The following SRPRB variants were observed in gnomAD, a reference collection of about 807,000 sequenced individuals.
The protein encoded by SRPRB is signal recognition particle receptor subunit beta.
Under a neutral mutation model 31.9 loss-of-function variants are expected in SRPRB, and 20 were observed. The ratio of observed to expected loss-of-function variants is 0.63; its 90% CI spans 0.44 to 0.91. The LOEUF is 0.91. SRPRB is among the 40% of genes least tolerant of loss of function. The pLI is 0.00. For missense variants in SRPRB, 321 were observed against 324.9 expected, an observed-to-expected ratio of 0.99 and a Z score of 0.09; for synonymous variants, 146 against 132.8, an observed-to-expected ratio of 1.10 and a Z score of -0.68.
At chr3:133,824,079 T>TCCA (rs1351435948), downstream of SRPRB, among the ~76,000 whole-genome samples, 1 of 152,080 alleles carries the variant, frequency 6.6e-6, no homozygotes, top group African/African-American at 2.4e-5. Context: ...ACAGCCCAAC[T>TCCA]CCACCAGTAG....
chr3:133,816,920 T>C lies in SRPRB; in HGVS notation c.590T>C (p.Leu197Pro), dbSNP rs1293949595. 1 of 1,611,130 alleles carries C rather than the reference T, an allele frequency of 6.2e-7. No homozygotes were observed. The highest frequency in any genetic ancestry group is 8.5e-7 in the Non-Finnish European group (1 of 1,178,662). ...AKSAKLIQQQLEKELNTLRVT... is the reference protein window; with the variant it reads ...AKSAKLIQQQPEKELNTLRVT... ...TCAGCAAAGTTAATTCAACAGCAGC[T>C]GGAGAAAGAACTGTAAGTGTGAAAG... The change falls in exon 6 of 7, where the codon CTG becomes CCG. Residue 197 changes from leucine to proline, a missense_variant. By Grantham distance (98) the Leu-to-Pro change is moderately conservative. Transcript: ENST00000678299.
chr3:133,819,866 T>C lies in SRPRB; in HGVS notation c.*100T>C. 1 of 1,061,180 alleles carries C rather than the reference T, an allele frequency of 9.4e-7. No individual in the cohort carries two copies. Among genetic ancestry groups the C allele is most frequent in the Non-Finnish European group, 1.4e-6 (1 of 725,970 alleles). The allele number at this position is 1,061,180 out of a possible 1,614,324, so 65.7% of individuals were successfully genotyped here. On this transcript the variant is annotated 3_prime_UTR_variant, in exon 7 of 7. Transcript: ENST00000678299. ...GATGAGGAAGGGGTACAAGATGTGG[T>C]TAGAAACATTTCTTTGTTCTGGAAA... is the stretch of plus-strand genomic sequence containing the variant.
chr3:133,804,234 G>T (rs1285267782), upstream of SRPRB, among the ~76,000 whole-genome samples: 1 of 151,976 alleles, frequency 6.6e-6, no homozygotes, highest in Non-Finnish European at 1.5e-5. Context: ...GGGATTAATA[G>T]CTGTGAGTCA....
chr3:133,801,559 A>G (rs1935062945), upstream of SRPRB, among the ~76,000 whole-genome samples: 1 of 152,136 alleles, frequency 6.6e-6, no homozygotes. Context: ...CTTCATTCAC[A>G]TAGCTCTGAC....
At chr3:133,808,996 G>C (rs1935212697) in intron 3 of SRPRB, among the ~76,000 whole-genome samples, 1 of 151,630 alleles carries the variant, frequency 6.6e-6, no homozygotes, top group South Asian at 2.1e-4. Context: ...GCATAAGTTT[G>C]TTTGTTTGTT....
At position 133,805,958 on chromosome 3, in the gene SRPRB, T is replaced by G; in HGVS notation, c.110T>G (p.Leu37Arg). ...GAGCTGCAGCAGACGGACCCAACGC[T>G]GTTGTCAGTAGTGGTGGCGGTTCTT... ...RQELQQTDPT[L>R]LSVVVAVLAV... Residue 37 changes from leucine (L) to arginine (R), a missense_variant, in exon 1 of 7, where the codon CTG becomes CGG. By Grantham distance (102) the Leu-to-Arg change is moderately radical. Transcript: ENST00000678299. The G allele has an allele frequency of 6.2e-7, 1 of 1,613,658 alleles. No homozygotes were observed. The highest frequency in any genetic ancestry group is 1.3e-5 in the African/African-American group (1 of 75,016).
chr3:133,815,669 A>C lies in SRPRB; in HGVS notation c.490A>C (p.Ile164Leu). 6.2e-7 allele frequency: 1 copy of C among 1,613,968 alleles called. No individual in the cohort carries two copies. The highest frequency in any genetic ancestry group is 8.5e-7 in the Non-Finnish European group (1 of 1,180,008). Residue 164 changes from isoleucine (I) to leucine (L), a missense_variant, in exon 5 of 7, where the codon ATT becomes CTT. Coordinates refer to ENST00000678299, the MANE Select transcript of SRPRB (RefSeq NM_001379313.1). ...GGCTGAGTTTCTGTATCAAGTCCTC[A>C]TTGACAGTATGGGTCTGAAGAATAC... ...DVAEFLYQVL[I>L]DSMGLKNTPS...
rs750575795 is a variant in SRPRB, at chr3:133,807,753, C to CAGTT, written c.259_260insTTAG (p.Gly87ValfsTer5). The CAGTT allele has an allele frequency of 1.2e-6, 2 of 1,610,954 alleles. No homozygotes were observed. Among genetic ancestry groups the CAGTT allele is most frequent in the Non-Finnish European group, 1.7e-6 (2 of 1,178,594 alleles). ...ATCTTGTTTTTTTTACAGTTGTTAA[C>CAGTT]AGGCCTTTATAGAGACACTCAGACG... is the stretch of plus-strand genomic sequence containing the variant. On this transcript the variant is annotated frameshift_variant, in exon 3 of 7. Coordinates refer to ENST00000678299, the MANE Select transcript of SRPRB (RefSeq NM_001379313.1). LOFTEE classifies it high-confidence loss of function.
Position 133,819,896 on chromosome 3 carries a change from G to T in SRPRB, c.*130G>T. ...AACATTTCTTTGTTCTGGAAACAAAGTACTGTTGAAACCAGCTTGGAATTT... is the reference window on the plus strand; with the variant it reads ...AACATTTCTTTGTTCTGGAAACAAATTACTGTTGAAACCAGCTTGGAATTT... On this transcript the variant is annotated 3_prime_UTR_variant, in exon 7 of 7. Coordinates refer to ENST00000678299, the MANE Select transcript of SRPRB (RefSeq NM_001379313.1). The T allele has an allele frequency of 3.5e-5, 27 of 765,034 alleles. No homozygotes were observed. Among genetic ancestry groups the T allele is most frequent in the Non-Finnish European group, 5.3e-5 (26 of 491,366 alleles). The allele number at this position is 765,034 out of a possible 1,614,324, so 47.4% of individuals were successfully genotyped here.
chr3:133,812,615 A>T (rs551169053), intron 4 of SRPRB, among the ~76,000 whole-genome samples: 1 of 152,300 alleles, frequency 6.6e-6, no homozygotes, highest in African/African-American at 2.4e-5. Flanking sequence ...GGCTTCGCCA[A>T]GTTTCCCTAG....
chr3:133,827,753 C>A (rs888856344), downstream of SRPRB: 52 of 89,796 alleles, frequency 5.8e-4, 3 homozygotes, highest in Non-Finnish European at 1.3e-3. Flanking sequence ...AACACCCCCC[C>A]CCCCCCCCGC....
Position 133,805,974 on chromosome 3 carries a change from G to A in SRPRB, c.126G>A (p.Val42=). Residue 42 remains valine (V), a synonymous_variant, in exon 1 of 7, where the codon GTG becomes GTA. Coordinates refer to ENST00000678299, the MANE Select transcript of SRPRB (RefSeq NM_001379313.1). ...ACCCAACGCTGTTGTCAGTAGTGGT[G>A]GCGGTTCTTGCGGTGCTGCTGACGC... ...QTDPTLLSVV[V]AVLAVLLTLV... is the part of the protein sequence containing the mutation. 6.2e-7 allele frequency: 1 copy of A among 1,613,400 alleles called. No homozygotes were observed.
At chr3:133,818,936 G>T (rs915929209) in intron 6 of SRPRB, among the ~76,000 whole-genome samples, 1 of 152,098 alleles carries the variant, frequency 6.6e-6, no homozygotes, top group African/African-American at 2.4e-5. Context: ...TTGGCAGCAT[G>T]TATTCCTCTG....
intron 5 of SRPRB, 106 bp downstream of exon 5, chr3:133,815,832 T>C: frequency 7.4e-7 from 1 of 1,346,346 alleles, no homozygotes; most frequent in East Asian, 2.3e-5. Flanking sequence ...TGAGATACAA[T>C]TGCTGTAAAG....
intron 1 of SRPRB, chr3:133,793,164 C>G (rs1934886566): frequency 6.6e-6 from 1 of 151,824 alleles, no homozygotes; most frequent in African/African-American, 2.4e-5. Flanking sequence ...AAACTACCCC[C>G]CCACCAAAAA....
downstream of SRPRB, among the ~76,000 whole-genome samples, chr3:133,823,778 G>T (rs538250795): frequency 6.6e-6 from 1 of 152,124 alleles, no homozygotes; most frequent in African/African-American, 2.4e-5. Flanking sequence ...ATGGAATATG[G>T]CAGCTAGATG....
rs770393975 is a variant in SRPRB, at chr3:133,806,662, G to C, written c.208G>C (p.Val70Leu). 8 of 1,614,166 alleles carry C rather than the reference G, an allele frequency of 5.0e-6. No homozygotes were observed. Among genetic ancestry groups the C allele is most frequent in the Admixed American group, 3.3e-5 (2 of 60,026 alleles). ...RRSSQRAVLLVGLCDSGKTLL... is the reference protein window; with the variant it reads ...RRSSQRAVLLLGLCDSGKTLL... ...GAGCAGTCAGAGAGCTGTTCTTCTTGTTGGCCTTTGTGATTCCGGGAAAAC... is the reference window on the plus strand; with the variant it reads ...GAGCAGTCAGAGAGCTGTTCTTCTTCTTGGCCTTTGTGATTCCGGGAAAAC... The change falls in exon 2 of 7, where the codon GTT (valine) becomes CTT (leucine). Residue 70 changes from valine to leucine, a missense_variant. Val to Leu is a conservative substitution (Grantham distance 32). Transcript: ENST00000678299.
downstream of SRPRB, chr3:133,827,690 TAGC>T (rs930291502): frequency 2.4e-5 from 14 of 580,104 alleles, no homozygotes; most frequent in Non-Finnish European, 4.3e-5. Flanking sequence ...TCAACAATAT[TAGC>T]AGCTGAGGCT....
At position 133,816,948 on chromosome 3, in the gene SRPRB, G is replaced by T; in HGVS notation, c.602+16G>T. 2 of 1,604,954 alleles carry T rather than the reference G, an allele frequency of 1.2e-6. No individual in the cohort carries two copies. Among genetic ancestry groups the T allele is most frequent in the East Asian group, 2.2e-5 (1 of 44,604 alleles). On this transcript the variant is annotated intron_variant, in intron 6 of 6. Transcript: ENST00000678299. ...AGAAAGAACTGTAAGTGTGAAAGAG[G>T]CCTGTTGGTTAATTATATATCTTAA... is the stretch of plus-strand genomic sequence containing the variant.
Sources: gnomAD v4.1 joint callset for allele counts (sites outside exome capture counted in the v4.1 genomes callset) on GRCh38, gnomAD v4.1.1 for gene constraint, MANE v1.5 for transcripts, NCBI Gene and HGNC (gene_info 2026-07-23, HGNC 2026-07-21) for gene names.